NFIC: variants seen among roughly 807,000 people sequenced by gnomAD.
NFIC encodes the protein nuclear factor 1 C-type.
In NFIC, 12 loss-of-function variants were observed where a neutral mutation model predicts 54.4. That is an observed-to-expected ratio of 0.22 (90% confidence interval 0.14 to 0.36). The LOEUF is 0.36. Ranked by LOEUF, NFIC falls within the 10% of genes least tolerant of loss-of-function variation. NFIC has a pLI of 1.00. For missense variants in NFIC, 575 were observed against 718.2 expected, an observed-to-expected ratio of 0.80 and a Z score of 2.28; for synonymous variants, 322 against 319.2, an observed-to-expected ratio of 1.01 and a Z score of -0.09.
intron 1 of NFIC, among the ~76,000 whole-genome samples, chr19:3,380,644 T>G (rs1046626102): frequency 5.2e-4 from 72 of 137,440 alleles, no homozygotes; most frequent in African/African-American, 1.9e-3. Context: ...TTTTTTTTTT[T>G]TTTTTTTGTG....
intron 1 of NFIC, among the ~76,000 whole-genome samples, chr19:3,377,186 T>G (rs894944503): frequency 6.6e-6 from 1 of 151,016 alleles, no homozygotes; most frequent in Non-Finnish European, 1.5e-5. Flanking sequence ...TACAAAAAAT[T>G]AGTTGGGCAT....
intron 6 of NFIC, among the ~76,000 whole-genome samples, chr19:3,442,730 G>A (rs1316928084): frequency 1.3e-5 from 2 of 149,150 alleles, no homozygotes; most frequent in East Asian, 2.1e-4. Flanking sequence ...CTAGTGCAAC[G>A]TGGCCTGGGG....
In NFIC at chr19:3,462,974, G is replaced by T; in HGVS notation, c.*205G>T. On this transcript the variant is annotated 3_prime_UTR_variant, in exon 11 of 11. Coordinates refer to ENST00000443272, the MANE Select transcript of NFIC (RefSeq NM_001245002.2). ...AACAAAGGCAGAAGAAGAAGAAGAA[G>T]AAATAAAAACCCACCCAAGCAAGAA... is the stretch of plus-strand genomic sequence containing the variant. The T allele has an allele frequency of 1.4e-6, 2 of 1,399,092 alleles. No individual in the cohort carries two copies. 86.7% of individuals were successfully genotyped at this position (1,399,092 alleles called of 1,614,324 possible).
chr19:3,454,321 T>C (rs1010451714), intron 9 of NFIC: 2 of 975,500 alleles, frequency 2.1e-6, no homozygotes, highest in South Asian at 4.7e-5. Flanking sequence ...TCGGTTGTTA[T>C]CATTTTAAAA....
chr19:3,377,488 C>T (rs1211956724), intron 1 of NFIC, among the ~76,000 whole-genome samples: 1 of 152,074 alleles, frequency 6.6e-6, no homozygotes, highest in East Asian at 1.9e-4. Flanking sequence ...AAATGCCCAG[C>T]CCAGCCTGGT....
Position 3,435,082 on chromosome 19 carries a change from G to A in NFIC, c.834-1G>A. 6.3e-7 allele frequency: 1 copy of A among 1,594,128 alleles called. No homozygotes were observed. Among genetic ancestry groups the A allele is most frequent in the African/African-American group, 1.3e-5 (1 of 74,676 alleles). On this transcript the variant is annotated splice_acceptor_variant, in intron 5 of 10. Coordinates refer to ENST00000443272, the MANE Select transcript of NFIC (RefSeq NM_001245002.2). LOFTEE classifies it high-confidence loss of function. Reference sequence around the variant, plus strand: ...GCCTCTCCCCTTCCCTCGCCCATAAGGAGCAAGCGGCACAAATCGGGCTCG... The same window carrying A: ...GCCTCTCCCCTTCCCTCGCCCATAAAGAGCAAGCGGCACAAATCGGGCTCG...
At chr19:3,446,175 C>G (rs2082371844) in intron 6 of NFIC, among the ~76,000 whole-genome samples, 1 of 152,200 alleles carries the variant, frequency 6.6e-6, no homozygotes, top group Non-Finnish European at 1.5e-5. Context: ...CCAGGGGGAC[C>G]CCAGCTCCTG....
chr19:3,444,958 C>T (rs1432244665), intron 6 of NFIC, among the ~76,000 whole-genome samples: 3 of 152,222 alleles, frequency 2.0e-5, no homozygotes, highest in Non-Finnish European at 4.4e-5. Flanking sequence ...TGCAGGCATA[C>T]ACATACATGC....
At chr19:3,455,531 T>A (rs549876040) in intron 9 of NFIC, among the ~76,000 whole-genome samples, 1 of 148,132 alleles carries the variant, frequency 6.8e-6, no homozygotes, top group Non-Finnish European at 1.5e-5. Flanking sequence ...CTGTGTAGGA[T>A]CCACTCAGGG....
chr19:3,439,629 C>G (rs952117082), intron 6 of NFIC, among the ~76,000 whole-genome samples: 1 of 150,350 alleles, frequency 6.7e-6, no homozygotes, highest in African/African-American at 2.4e-5. Flanking sequence ...GCAACAAGAG[C>G]GAAACTCCAT....
intron 3 of NFIC, among the ~76,000 whole-genome samples, chr19:3,432,055 A>G (rs1014724121): frequency 6.6e-6 from 1 of 152,144 alleles, no homozygotes; most frequent in Admixed American, 6.6e-5. Flanking sequence ...CCAGCTCAGA[A>G]TCAGACACTG....
At position 3,420,429 on chromosome 19, in the gene NFIC, G is replaced by A. The variant is rs563842331; in HGVS notation, c.563-4677G>A. Among the ~76,000 whole-genome samples the A allele has an allele frequency of 2.6e-5, 4 of 152,196 alleles. No homozygotes were observed. In the East Asian group the frequency reaches 7.7e-4, roughly 29 times the overall value. Reference sequence around the variant, plus strand: ...CGTGTGGGCGTGGTGGCACGTGCCTGTAATCCCAGCTACTTGGGAGGCTGG... The same window carrying A: ...CGTGTGGGCGTGGTGGCACGTGCCTATAATCCCAGCTACTTGGGAGGCTGG... On this transcript the variant is annotated intron_variant, in intron 2 of 10. Transcript: ENST00000443272.
At chr19:3,377,207 G>A (rs2081122955) in intron 1 of NFIC, among the ~76,000 whole-genome samples, 2 of 151,428 alleles carry the variant, frequency 1.3e-5, no homozygotes, top group South Asian at 4.2e-4. Context: ...GGTGGCGGGT[G>A]CCTGTAGTCC....
Position 3,454,336 on chromosome 19 carries a change from G to A in NFIC, c.1423+420G>A, listed in dbSNP as rs1020453398. On this transcript the variant is annotated intron_variant, in intron 9 of 10. Coordinates refer to ENST00000443272, the MANE Select transcript of NFIC (RefSeq NM_001245002.2). Reference sequence around the variant, plus strand: ...TCGGTTGTTATCATTTTAAAATCAGGACGTTTTACATAAACATTTCCAGAG... The same window carrying A: ...TCGGTTGTTATCATTTTAAAATCAGAACGTTTTACATAAACATTTCCAGAG... 9 of 916,442 alleles carry A rather than the reference G, an allele frequency of 9.8e-6. No individual in the cohort carries two copies. In the African/African-American group the frequency reaches 1.4e-4, roughly 15 times the overall value. 56.8% of individuals were successfully genotyped at this position (916,442 alleles called of 1,614,324 possible). A position where few individuals can be genotyped will look rare whatever the true frequency, so the allele number is the denominator to read the frequency against.
At position 3,366,671 on chromosome 19, in the gene NFIC, G is replaced by T. The variant is rs1481725889; in HGVS notation, c.30+5G>T. ...TCCCCGCTCTGCCTCACCCAGGTAC[G>T]GTCCTCGCCCGGCCCCCCGCCGGCG... On this transcript the variant is annotated splice_donor_5th_base_variant and intron_variant, in intron 1 of 10. Coordinates refer to ENST00000443272, the MANE Select transcript of NFIC (RefSeq NM_001245002.2). 2 of 1,425,156 alleles carry T rather than the reference G, an allele frequency of 1.4e-6. No individual in the cohort carries two copies. The highest frequency in any genetic ancestry group is 9.2e-7 in the Non-Finnish European group (1 of 1,086,742). The allele number at this position is 1,425,156 out of a possible 1,614,324, so 88.3% of individuals were successfully genotyped here. A position where few individuals can be genotyped will look rare whatever the true frequency, so the allele number is the denominator to read the frequency against.
In NFIC at chr19:3,460,854, G is replaced by A. The variant is rs144356797; in HGVS notation, c.1510-1898G>A. Among the ~76,000 whole-genome samples, 942 of 152,160 alleles carry A rather than the reference G, an allele frequency of 6.2e-3. 7 individuals are homozygous for A. The highest frequency in any genetic ancestry group is 0.022 in the African/African-American group (908 of 41,526). On this transcript the variant is annotated intron_variant, in intron 10 of 10. Transcript: ENST00000443272. ...AAAAACATTCTCAAGGCCATGTGCA[G>A]TGGCTCATGCCTATAATCCCAGCAC...
At chr19:3,388,411 C>T (rs2081331033) in intron 2 of NFIC, among the ~76,000 whole-genome samples, 2 of 152,284 alleles carry the variant, frequency 1.3e-5, no homozygotes, top group South Asian at 2.1e-4. Flanking sequence ...GGACTTTGGC[C>T]TTCTCTCGTG....
At chr19:3,432,464 C>T (rs898933509) in intron 3 of NFIC, among the ~76,000 whole-genome samples, 9 of 151,962 alleles carry the variant, frequency 5.9e-5, no homozygotes, top group African/African-American at 2.2e-4. Flanking sequence ...CAGAGTATCT[C>T]GAAGGGTGAC....
intron 1 of NFIC, among the ~76,000 whole-genome samples, chr19:3,372,714 G>A (rs1364092217): frequency 6.6e-6 from 1 of 150,850 alleles, no homozygotes; most frequent in East Asian, 1.9e-4. Flanking sequence ...GAGTGGGGTG[G>A]GGGGGTGCCA....
Sources: allele counts gnomAD v4.1 joint callset (sites outside exome capture counted in the v4.1 genomes callset), GRCh38; gene constraint gnomAD v4.1.1; transcripts MANE v1.5; gene names NCBI Gene and HGNC (gene_info 2026-07-23, HGNC 2026-07-21).